Variants in GNG12 observed in about 807,000 individuals in gnomAD.
GNG12 encodes G protein subunit gamma 12, also known as guanine nucleotide-binding protein G(I)/G(S)/G(O) subunit gamma-12.
For synonymous variants in GNG12, 28 were observed against 29.7 expected (o/e 0.94, Z 0.19); for missense variants, 69 against 83.8 (o/e 0.82, Z 0.69).
intron 2 of GNG12, among the ~76,000 whole-genome samples, chr1:67,739,382 G>C (rs975879220): frequency 9.2e-5 from 14 of 151,570 alleles, no homozygotes; most frequent in Non-Finnish European, 1.8e-4. Context: ...TATCCGCAGA[G>C]AGTTGATCAC....
chr1:67,779,231 C>T (rs1009922855), intron 1 of GNG12, among the ~76,000 whole-genome samples: 1 of 152,140 alleles, frequency 6.6e-6, no homozygotes, highest in Non-Finnish European at 1.5e-5. Flanking sequence ...CTTTATTAAT[C>T]CACAGGCCGC....
chr1:67,813,453 T>C (rs1646937421), intron 1 of GNG12, among the ~76,000 whole-genome samples: 2 of 152,180 alleles, frequency 1.3e-5, no homozygotes, highest in Admixed American at 1.3e-4. Context: ...CATTATGATT[T>C]TTAGGCATCA....
intron 2 of GNG12, among the ~76,000 whole-genome samples, chr1:67,715,107 T>C (rs491351): frequency 0.69 from 104,510 of 151,816 alleles, 36,014 homozygotes; most frequent in Admixed American, 0.71. Context: ...TTAGTAGAGA[T>C]GGGGTTTCAC....
At chr1:67,820,808 C>T (rs1282614152) in intron 1 of GNG12, among the ~76,000 whole-genome samples, 2 of 152,184 alleles carry the variant, frequency 1.3e-5, no homozygotes, top group African/African-American at 4.8e-5. Context: ...TGCTGATACT[C>T]AAAGGGTAAC....
At chr1:67,718,440 G>GT (rs1357702674) in intron 2 of GNG12, among the ~76,000 whole-genome samples, 1 of 152,172 alleles carries the variant, frequency 6.6e-6, no homozygotes, top group Non-Finnish European at 1.5e-5. Flanking sequence ...TTATTGAAAT[G>GT]TTTTTTGTAC....
chr1:67,735,168 C>T (rs937518064), intron 2 of GNG12, among the ~76,000 whole-genome samples: 2 of 152,070 alleles, frequency 1.3e-5, no homozygotes, highest in Admixed American at 6.6e-5. Flanking sequence ...AGATGTATTA[C>T]AATTTAATAG....
At chr1:67,778,764 C>A (rs769756691) in intron 1 of GNG12, among the ~76,000 whole-genome samples, 2 of 152,086 alleles carry the variant, frequency 1.3e-5, no homozygotes, top group African/African-American at 4.8e-5. Flanking sequence ...CATGCTTTTA[C>A]CCACCACCCT....
At chr1:67,713,461 G>T (rs193069156) in intron 2 of GNG12, among the ~76,000 whole-genome samples, 1 of 152,240 alleles carries the variant, frequency 6.6e-6, no homozygotes, top group East Asian at 1.9e-4. Context: ...TTTCATCTTT[G>T]TCAAGAGGGG....
At chr1:67,732,896 T>C (rs1462364577) in intron 2 of GNG12, among the ~76,000 whole-genome samples, 1 of 152,140 alleles carries the variant, frequency 6.6e-6, no homozygotes, top group Admixed American at 6.5e-5. Flanking sequence ...GGCCCCTCCA[T>C]TTGGTCCAGG....
At chr1:67,767,488 C>T (rs953076785) in intron 2 of GNG12, among the ~76,000 whole-genome samples, 17 of 152,346 alleles carry the variant, frequency 1.1e-4, no homozygotes, top group Middle Eastern at 3.4e-3. Context: ...TTTGGGTCAT[C>T]TCACTAGTTC....
At chr1:67,772,655 C>T (rs542126914) in intron 2 of GNG12, 1 of 152,224 alleles carries the variant, frequency 6.6e-6, no homozygotes, top group Non-Finnish European at 1.5e-5. Context: ...GTAACACTAC[C>T]CCTCCTTTTT....
At position 67,753,353 on chromosome 1, in the gene GNG12, GA is replaced by G. The variant is rs11442263; in HGVS notation, c.-27+24104del. On this transcript the variant is annotated intron_variant, in intron 2 of 3. Transcript: ENST00000370982. Reference sequence around the variant, plus strand: ...ATATAATGTAAATATTCCAAAACCTGAAAAAAAAAAAACCTGAAATCTGAAA... The same window carrying G: ...ATATAATGTAAATATTCCAAAACCTGAAAAAAAAAAACCTGAAATCTGAAA... 3.1e-3 allele frequency among the ~76,000 whole-genome samples: 460 copies of G among 146,190 alleles called. 5 individuals are homozygous for G. The highest frequency in any genetic ancestry group is 0.011 in the African/African-American group (422 of 39,454).
At chr1:67,740,173 T>C (rs1202497787) in intron 2 of GNG12, among the ~76,000 whole-genome samples, 2 of 152,264 alleles carry the variant, frequency 1.3e-5, no homozygotes, top group South Asian at 2.1e-4. Context: ...TCACAGAGTA[T>C]ATAAGATTAT....
intron 2 of GNG12, among the ~76,000 whole-genome samples, chr1:67,730,196 A>C (rs1176971936): frequency 1.3e-5 from 2 of 152,204 alleles, no homozygotes; most frequent in Non-Finnish European, 2.9e-5. Flanking sequence ...AAAGAAGCCA[A>C]ATGTAAAAGA....
intron 2 of GNG12, among the ~76,000 whole-genome samples, chr1:67,730,434 G>A (rs1346727728): frequency 6.6e-6 from 1 of 152,188 alleles, no homozygotes. Context: ...CCCAGGAGGA[G>A]GCGGAGGTTG....
chr1:67,717,048 G>C (rs1322104149), intron 2 of GNG12, among the ~76,000 whole-genome samples: 1 of 152,136 alleles, frequency 6.6e-6, no homozygotes, highest in Non-Finnish European at 1.5e-5. Context: ...ACTTGTTTAA[G>C]AAAGTCTGAT....
intron 2 of GNG12, among the ~76,000 whole-genome samples, chr1:67,728,426 GAAC>G (rs1011155054): frequency 1.3e-5 from 2 of 152,196 alleles, no homozygotes; most frequent in Non-Finnish European, 1.5e-5. Context: ...CAACAAAGGA[GAAC>G]AACAGAGATA....
intron 2 of GNG12, among the ~76,000 whole-genome samples, chr1:67,733,786 C>T (rs1646435119): frequency 6.6e-6 from 1 of 152,166 alleles, no homozygotes; most frequent in Non-Finnish European, 1.5e-5. Context: ...AAAAACCCAA[C>T]CAAATGTTAT....
At chr1:67,789,903 G>T (rs1160488041) in intron 1 of GNG12, among the ~76,000 whole-genome samples, 1 of 152,176 alleles carries the variant, frequency 6.6e-6, no homozygotes, top group African/African-American at 2.4e-5. Context: ...GTGCTATAAA[G>T]TATCCCATGC....
Sources: allele counts gnomAD v4.1 joint callset (sites outside exome capture counted in the v4.1 genomes callset), GRCh38; gene constraint gnomAD v4.1.1; transcripts MANE v1.5; gene names NCBI Gene and HGNC (gene_info 2026-07-23, HGNC 2026-07-21).